The following PFKFB3 variants were observed in gnomAD, a reference collection of about 807,000 sequenced individuals.
The protein encoded by PFKFB3 is 6-phosphofructo-2-kinase/fructose-2,6-bisphosphatase 3.
PFKFB3 carries 33 observed loss-of-function variants against 68.0 expected under a neutral mutation model. The ratio of observed to expected loss-of-function variants is 0.49; its 90% CI spans 0.37 to 0.65. The LOEUF is 0.65. Among genes scored for constraint, PFKFB3 ranks in the 30% least tolerant of loss-of-function variants. The pLI is 0.00. For synonymous variants in PFKFB3, 315 were observed against 288.2 expected (o/e 1.09, Z -0.94); for missense variants, 586 against 712.2 (o/e 0.82, Z 2.02).
At chr10:6,211,966 T>C (rs1844259083) in intron 1 of PFKFB3, among the ~76,000 whole-genome samples, 1 of 152,226 alleles carries the variant, frequency 6.6e-6, no homozygotes. Context: ...GGGCTCCGGC[T>C]TACAGAGGGG....
At chr10:6,236,979 G>A (rs1176621647), downstream of PFKFB3, among the ~76,000 whole-genome samples, 1 of 152,170 alleles carries the variant, frequency 6.6e-6, no homozygotes, top group Non-Finnish European at 1.5e-5. Context: ...GTTTCCATTC[G>A]CTGCCTGGGC....
At chr10:6,300,899 T>C in the PFKFB3 span, among the ~76,000 whole-genome samples, 3 of 152,170 alleles carry the variant, frequency 2.0e-5, no homozygotes, top group Admixed American at 6.5e-5. Flanking sequence ...ACGCAGGATT[T>C]GAAAGGAGAC....
chr10:6,183,631 A>G (rs946293117), intron 1 of PFKFB3, among the ~76,000 whole-genome samples: 1 of 146,814 alleles, frequency 6.8e-6, no homozygotes, highest in African/African-American at 2.5e-5. Flanking sequence ...ATATATATAT[A>G]TGTATATAAA....
upstream of PFKFB3, among the ~76,000 whole-genome samples, chr10:6,199,546 G>T (rs751580527): frequency 6.7e-6 from 1 of 150,326 alleles, no homozygotes. Context: ...GTGCAATGGT[G>T]CAATCACAGC....
At chr10:6,295,505 C>T in the PFKFB3 span, among the ~76,000 whole-genome samples, 12 of 150,598 alleles carry the variant, frequency 8.0e-5, no homozygotes, top group African/African-American at 1.7e-4. Context: ...GGATTACAGC[C>T]GTGAACCACC....
chr10:6,187,213 T>TAAAAAAG, intron 1 of PFKFB3, among the ~76,000 whole-genome samples: 1 of 76,518 alleles, frequency 1.3e-5, no homozygotes, highest in Non-Finnish European at 3.7e-5. Context: ...AAAAAAAAAT[T>TAAAAAAG]AGCTGGACAT....
chr10:6,275,506 G>C, the PFKFB3 span, among the ~76,000 whole-genome samples: 2 of 152,234 alleles, frequency 1.3e-5, no homozygotes, highest in African/African-American at 2.4e-5. This position sits in a 1 kb window ranked among gnomAD's most constrained non-coding sequence, Gnocchi z 4.9. Flanking sequence ...CATCACCCAG[G>C]CGCTGCTCTT....
intron 1 of PFKFB3, among the ~76,000 whole-genome samples, chr10:6,192,927 G>A (rs1381001163): frequency 1.3e-5 from 2 of 151,342 alleles, no homozygotes; most frequent in African/African-American, 4.9e-5. Flanking sequence ...TCTTGAGGTA[G>A]ATGGGGCTGC....
chr10:6,236,120 C>T (rs1193306717), downstream of PFKFB3, among the ~76,000 whole-genome samples: 3 of 152,202 alleles, frequency 2.0e-5, no homozygotes, highest in African/African-American at 7.2e-5. Flanking sequence ...CCCTTTTAAA[C>T]ACCAGTTCTT....
the PFKFB3 span, among the ~76,000 whole-genome samples, chr10:6,292,565 A>G: frequency 5.9e-5 from 9 of 151,946 alleles, no homozygotes; most frequent in Non-Finnish European, 1.0e-4. Flanking sequence ...CTGGGATTAC[A>G]GGCGTGAGCC....
chr10:6,231,394 A>G (rs1845733579), intron 14 of PFKFB3: 9 of 1,598,886 alleles, frequency 5.6e-6, no homozygotes, highest in East Asian at 2.2e-5. Context: ...CCATCGTGCA[A>G]TGCGGGGCTC....
intron 7 of PFKFB3, among the ~76,000 whole-genome samples, chr10:6,219,894 G>A (rs1315809544): frequency 1.3e-5 from 2 of 151,830 alleles, no homozygotes; most frequent in Non-Finnish European, 2.9e-5. Context: ...ACAGCCGCTG[G>A]ATACCTTTAT....
the PFKFB3 span, among the ~76,000 whole-genome samples, chr10:6,308,374 A>G: frequency 6.6e-5 from 10 of 152,144 alleles, no homozygotes; most frequent in Non-Finnish European, 1.5e-4. Context: ...TTAGCTGGGC[A>G]TGGTGGTGGT....
At chr10:6,297,200 G>T in the PFKFB3 span, among the ~76,000 whole-genome samples, 1 of 152,218 alleles carries the variant, frequency 6.6e-6, no homozygotes, top group South Asian at 2.1e-4. Context: ...GCTAAGTGCT[G>T]GAAGAGCAGC....
the PFKFB3 span, among the ~76,000 whole-genome samples, chr10:6,302,441 G>A: frequency 1.5e-5 from 2 of 131,368 alleles, no homozygotes; most frequent in Admixed American, 1.7e-4. Context: ...GAGTGCAGTG[G>A]TGCAACCTTG....
At chr10:6,231,206 T>C (rs1845717964) in intron 14 of PFKFB3, 2 of 1,182,336 alleles carry the variant, frequency 1.7e-6, no homozygotes, top group Non-Finnish European at 2.5e-6. Context: ...CTAAAGATTT[T>C]CTTTTTTTTT....
At chr10:6,217,984 T>C (rs774966086) in intron 6 of PFKFB3, among the ~76,000 whole-genome samples, 7 of 152,238 alleles carry the variant, frequency 4.6e-5, no homozygotes, top group African/African-American at 1.2e-4. Flanking sequence ...AGCCCCGGTA[T>C]CTTCCCCAAG....
chr10:6,266,930 C>T, the PFKFB3 span, among the ~76,000 whole-genome samples: 1 of 152,148 alleles, frequency 6.6e-6, no homozygotes, highest in African/African-American at 2.4e-5. Flanking sequence ...GCATTGACAG[C>T]GTAACGCAAG....
At chr10:6,274,240 C>A in the PFKFB3 span, among the ~76,000 whole-genome samples, 1 of 152,120 alleles carries the variant, frequency 6.6e-6, no homozygotes, top group Non-Finnish European at 1.5e-5. Flanking sequence ...GTAAGTCCCT[C>A]CATCTGAAGT....
Sources: gnomAD v4.1 joint callset for allele counts (sites outside exome capture counted in the v4.1 genomes callset) on GRCh38, gnomAD v4.1.1 for gene constraint, Gnocchi (gnomAD v3.1) non-coding constraint, MANE v1.5 for transcripts, NCBI Gene and HGNC (gene_info 2026-07-23, HGNC 2026-07-21) for gene names.